The following ROS1 variants were observed in gnomAD, a reference collection of about 807,000 sequenced individuals.
ROS1 encodes the protein proto-oncogene tyrosine-protein kinase ROS.
A neutral mutation model predicts 273.5 loss-of-function variants in ROS1; 263 were observed. The ratio of observed to expected loss-of-function variants is 0.96; its 90% CI spans 0.87 to 1.06. The LOEUF (loss-of-function observed/expected upper bound fraction) is 1.06. ROS1 is among the 50% of genes least tolerant of loss of function. ROS1 has a pLI of 0.00. For synonymous variants in ROS1, 1,008 were observed against 954.1 expected, an observed-to-expected ratio of 1.06 and a Z score of -1.04; for missense variants, 2,833 against 2,751.1, an observed-to-expected ratio of 1.03 and a Z score of -0.67.
At position 117,393,309 on chromosome 6, in the gene ROS1, C is replaced by T. The variant is rs768400134; in HGVS notation, c.1204G>A (p.Asp402Asn). ...FIMDELVCVC[D>N]LENCSNIEEI... ...TCGATGTTTGAGCAGTTCTCTAAAT[C>T]ACAGACACATACCTAAAAAAATAAA... The change falls in exon 12 of 44, where the codon GAT (aspartate) becomes AAT (asparagine). Residue 402 changes from aspartate to asparagine, a missense_variant. Coordinates refer to ENST00000368507, the MANE Select transcript of ROS1 (RefSeq NM_001378902.1). 7.5e-6 allele frequency: 12 copies of T among 1,605,854 alleles called. No homozygotes were observed. The South Asian group carries it at 1.3e-4, about 18-fold the overall frequency.
chr6:117,312,716 T>C (rs1472492494), intron 39 of ROS1, among the ~76,000 whole-genome samples: 1 of 152,066 alleles, frequency 6.6e-6, no homozygotes, highest in South Asian at 2.1e-4. Context: ...ATCCCATGTA[T>C]CAACCTGTTG....
Position 117,311,077 on chromosome 6 carries a change from A to T in ROS1, c.6158T>A (p.Leu2053Gln), listed in dbSNP as rs761415842. 1 of 1,611,348 alleles carries T rather than the reference A, an allele frequency of 6.2e-7. No homozygotes were observed. Among genetic ancestry groups the T allele is most frequent in the Non-Finnish European group, 8.5e-7 (1 of 1,178,638 alleles). Reference sequence around the variant, plus strand: ...ACAGCCTTTTGAAATATCTACACACAGGTCTACAAGGTCAACCAAGGTGAG... The same window carrying T: ...ACAGCCTTTTGAAATATCTACACACTGGTCTACAAGGTCAACCAAGGTGAG... ...PLLTLVDLVD[L>Q]CVDISKGCVY... The change falls in exon 40 of 44, where the codon CTG (leucine) becomes CAG (glutamine). Residue 2053 changes from leucine (L) to glutamine (Q), a missense_variant. Transcript: ENST00000368507.
chr6:117,350,082 G>A (rs568306163), intron 27 of ROS1, among the ~76,000 whole-genome samples: 5 of 152,002 alleles, frequency 3.3e-5, no homozygotes, highest in African/African-American at 1.2e-4. Context: ...ATTCTCTAAT[G>A]CTCTTCCTTT....
At chr6:117,425,477 G>A (rs986544710) in intron 1 of ROS1, 57 bp downstream of exon 1, 13 of 1,499,930 alleles carry the variant, frequency 8.7e-6, no homozygotes, top group African/African-American at 1.4e-5. Flanking sequence ...GTTATAACAA[G>A]CTGAATGCTA....
At chr6:117,330,042 G>C (rs1202730009) in intron 32 of ROS1, among the ~76,000 whole-genome samples, 2 of 152,186 alleles carry the variant, frequency 1.3e-5, no homozygotes, top group East Asian at 1.9e-4. Context: ...CCAGCACTGG[G>C]ACTCCCAACT....
rs1460875267 is a variant in ROS1, at chr6:117,392,157, T to C, written c.1289+1067A>G. On this transcript the variant is annotated intron_variant, in intron 12 of 43. Transcript: ENST00000368507. Reference sequence around the variant, plus strand: ...ACCTTTACACATGAAAACAGTAAGATCCAGAGAATCCTTGTCCTACATCAC... The same window carrying C: ...ACCTTTACACATGAAAACAGTAAGACCCAGAGAATCCTTGTCCTACATCAC... Among the ~76,000 whole-genome samples the C allele has an allele frequency of 2.6e-5, 4 of 152,156 alleles. No individual in the cohort carries two copies. The South Asian group carries it at 6.2e-4, about 24-fold the overall frequency.
At chr6:117,316,808 A>T (rs1775952924) in intron 39 of ROS1, among the ~76,000 whole-genome samples, 1 of 152,202 alleles carries the variant, frequency 6.6e-6, no homozygotes, top group East Asian at 1.9e-4. Context: ...CTGGAAATAT[A>T]ATTTGGGACA....
intron 7 of ROS1, among the ~76,000 whole-genome samples, chr6:117,401,060 T>C (rs1046519342): frequency 6.6e-6 from 1 of 152,206 alleles, no homozygotes; most frequent in African/African-American, 2.4e-5. Flanking sequence ...GTGTTCAGAC[T>C]GAAAGTCTAA....
At chr6:117,324,291 A>G (rs766293081) in intron 35 of ROS1, 41 bp downstream of exon 35, 1 of 910,510 alleles carries the variant, frequency 1.1e-6, no homozygotes, top group Non-Finnish European at 1.8e-6. Context: ...ATGATTAAGT[A>G]AACAGTTTGT....
intron 42 of ROS1, among the ~76,000 whole-genome samples, chr6:117,307,860 C>G (rs1047949256): frequency 6.6e-6 from 1 of 152,152 alleles, no homozygotes; most frequent in Non-Finnish European, 1.5e-5. Context: ...CATCCGCATA[C>G]TGCTAATTCC....
In ROS1 at chr6:117,394,350, G is replaced by A; in HGVS notation, c.1007-4C>T. 3.8e-6 allele frequency: 6 copies of A among 1,590,832 alleles called. No homozygotes were observed. Among genetic ancestry groups the A allele is most frequent in the Non-Finnish European group, 5.1e-6 (6 of 1,174,670 alleles). On this transcript the variant is annotated splice_region_variant and splice_polypyrimidine_tract_variant and intron_variant, in intron 10 of 43. Coordinates refer to ENST00000368507, the MANE Select transcript of ROS1 (RefSeq NM_001378902.1). ...TGGTGGACATCAACAGATATTCCTA[G>A]AAGAGCCATGCAAGTGCACACACAT...
At chr6:117,405,094 C>A (rs1307356584) in intron 5 of ROS1, among the ~76,000 whole-genome samples, 1 of 152,060 alleles carries the variant, frequency 6.6e-6, no homozygotes, top group African/African-American at 2.4e-5. Flanking sequence ...TTATATTTTT[C>A]CAAAATTGTG....
chr6:117,308,475 A>ACTCT (rs199508385), intron 42 of ROS1, among the ~76,000 whole-genome samples: 2 of 151,418 alleles, frequency 1.3e-5, no homozygotes, highest in South Asian at 2.1e-4. Flanking sequence ...GTGTGTGTAT[A>ACTCT]CTCTCTCTCT....
At chr6:117,354,703 A>C (rs2128640500) in intron 26 of ROS1, among the ~76,000 whole-genome samples, 1 of 152,332 alleles carries the variant, frequency 6.6e-6, no homozygotes, top group Admixed American at 6.5e-5. Context: ...CAGGTTTATG[A>C]AAAACTGACC....
chr6:117,311,449 G>T (rs1263795010), intron 39 of ROS1, among the ~76,000 whole-genome samples: 1 of 152,084 alleles, frequency 6.6e-6, no homozygotes, highest in Non-Finnish European at 1.5e-5. Context: ...ACTTGCTTAA[G>T]TTACTTAACT....
At chr6:117,368,573 G>A (rs954728899) in intron 18 of ROS1, among the ~76,000 whole-genome samples, 9 of 152,056 alleles carry the variant, frequency 5.9e-5, no homozygotes, top group African/African-American at 2.2e-4. Flanking sequence ...ATGTGACTAC[G>A]GAGCCCTTGA....
chr6:117,351,523 C>T (rs527303087), intron 27 of ROS1, among the ~76,000 whole-genome samples: 2 of 152,116 alleles, frequency 1.3e-5, no homozygotes, highest in Non-Finnish European at 2.9e-5. Context: ...GGATGCCCCT[C>T]GAGTTTCTAA....
chr6:117,378,581 A>T (rs981859405), intron 18 of ROS1, among the ~76,000 whole-genome samples: 2 of 152,220 alleles, frequency 1.3e-5, no homozygotes, highest in Admixed American at 1.3e-4. Flanking sequence ...TTTTTAAAAT[A>T]AAAGTGTAAA....
Position 117,341,434 on chromosome 6 carries a change from G to GT in ROS1, c.4849dup (p.Thr1617AsnfsTer2). The GT allele has an allele frequency of 6.2e-7, 1 of 1,613,814 alleles. No individual in the cohort carries two copies. Among genetic ancestry groups the GT allele is most frequent in the South Asian group, 1.1e-5 (1 of 91,078 alleles). On this transcript the variant is annotated frameshift_variant, in exon 30 of 44. Transcript: ENST00000368507. LOFTEE classifies it high-confidence loss of function. Reference sequence around the variant, plus strand: ...ATAAATATTTCCACCAGACAGTCTAGTAACAAGGAGAGTGAGCCTTCCATT... The same window carrying GT: ...ATAAATATTTCCACCAGACAGTCTAGTTAACAAGGAGAGTGAGCCTTCCATT...
Sources: gnomAD v4.1 joint callset for allele counts (sites outside exome capture counted in the v4.1 genomes callset) on GRCh38, gnomAD v4.1.1 for gene constraint, MANE v1.5 for transcripts, NCBI Gene and HGNC (gene_info 2026-07-23, HGNC 2026-07-21) for gene names.